The following AGMO variants were observed in gnomAD, a reference collection of about 807,000 sequenced individuals.
AGMO encodes glyceryl-ether monooxygenase.
In AGMO, 75 loss-of-function variants were observed where a neutral mutation model predicts 60.2. The observed-to-expected ratio is 1.25, with a 90% CI of 1.03 to 1.51. The LOEUF is 1.51. Among genes scored for constraint, AGMO ranks in the 40% most tolerant of loss-of-function variants. AGMO has a pLI of 0.00. For missense variants in AGMO, 763 were observed against 525.5 expected (o/e 1.45, Z -4.42); for synonymous variants, 261 against 177.1 (o/e 1.47, Z -3.76).
At chr7:15,544,104 G>A (rs1393964284) in intron 3 of AGMO, among the ~76,000 whole-genome samples, 1 of 151,922 alleles carries the variant, frequency 6.6e-6, no homozygotes, top group Non-Finnish European at 1.5e-5. Context: ...ATTATTCTAA[G>A]TGAATTAACT....
At chr7:15,358,408 A>G (rs1481459192) in intron 12 of AGMO, 2 of 471,134 alleles carry the variant, frequency 4.2e-6, no homozygotes, top group Non-Finnish European at 8.8e-6. Context: ...AAGGCATAAT[A>G]ATTAGATTGC....
At chr7:15,366,005 G>A (rs998778580) in intron 11 of AGMO, 135 bp downstream of exon 11, 6 of 613,514 alleles carry the variant, frequency 9.8e-6, no homozygotes, top group Non-Finnish European at 1.4e-5. Context: ...CTAAAATAAT[G>A]AGAAGTCAAA....
intron 10 of AGMO, among the ~76,000 whole-genome samples, chr7:15,366,778 A>C (rs1470996948): frequency 6.6e-6 from 1 of 152,076 alleles, no homozygotes; most frequent in African/African-American, 2.4e-5. Context: ...ATTAAGCATT[A>C]GTGTGCTCTT....
intron 12 of AGMO, among the ~76,000 whole-genome samples, chr7:15,201,922 C>G (rs1254989613): frequency 6.6e-6 from 1 of 152,116 alleles, no homozygotes; most frequent in Admixed American, 6.5e-5. Flanking sequence ...TTAACTGAAT[C>G]ATATTAAGCA....
chr7:15,502,560 T>C (rs1783414245), intron 3 of AGMO, among the ~76,000 whole-genome samples: 1 of 151,764 alleles, frequency 6.6e-6, no homozygotes, highest in Non-Finnish European at 1.5e-5. Context: ...CTCATAAAGC[T>C]CCCTCTCACC....
At chr7:15,405,851 C>G (rs1440941877) in intron 5 of AGMO, among the ~76,000 whole-genome samples, 1 of 149,476 alleles carries the variant, frequency 6.7e-6, no homozygotes, top group African/African-American at 2.4e-5. Flanking sequence ...GGACAAATGC[C>G]TAATGAAGCT....
At chr7:15,306,566 CTG>C (rs767811766) in intron 12 of AGMO, 58 of 346,846 alleles carry the variant, frequency 1.7e-4, no homozygotes, top group Admixed American at 5.9e-4. Flanking sequence ...CAGAATATGA[CTG>C]TGTAAAAAAA....
At chr7:15,354,357 CGTGTGTATAT>C (rs1782386268) in intron 12 of AGMO, among the ~76,000 whole-genome samples, 3 of 74,682 alleles carry the variant, frequency 4.0e-5, no homozygotes, top group African/African-American at 2.1e-4. Context: ...TGTATATAGA[CGTGTGTATAT>C]AGACGTGTGT....
At chr7:15,383,998 C>T (rs960118406) in intron 10 of AGMO, among the ~76,000 whole-genome samples, 2 of 151,964 alleles carry the variant, frequency 1.3e-5, no homozygotes, top group African/African-American at 2.4e-5. Flanking sequence ...TGCAGTGGCG[C>T]GATCTCGGCT....
intron 4 of AGMO, among the ~76,000 whole-genome samples, chr7:15,430,520 A>C (rs1166996284): frequency 6.6e-6 from 1 of 151,514 alleles, no homozygotes; most frequent in Admixed American, 6.6e-5. Flanking sequence ...TAGAGCCAAA[A>C]ATTTTTGGAT....
At chr7:15,281,611 T>G (rs1783967941) in intron 12 of AGMO, among the ~76,000 whole-genome samples, 1 of 152,094 alleles carries the variant, frequency 6.6e-6, no homozygotes, top group South Asian at 2.1e-4. Flanking sequence ...GCCTACTCTT[T>G]CCCTGACAAG....
rs76992193 is a variant in AGMO at position 15,342,981 on chromosome 7, G to T, written c.1263+22533C>A. ...AGAATGGAGCAGACTCTTGATAGTA[G>T]GTACTAGTGTCATTCCCTTTTATGA... On this transcript the variant is annotated intron_variant, in intron 12 of 12. Coordinates refer to ENST00000342526, the MANE Select transcript of AGMO (RefSeq NM_001004320.2). Among the ~76,000 whole-genome samples, 4 of 151,850 alleles carry T rather than the reference G, an allele frequency of 2.6e-5. No homozygotes were observed. The East Asian group carries it at 7.7e-4, about 29-fold the overall frequency.
intron 12 of AGMO, among the ~76,000 whole-genome samples, chr7:15,342,172 T>TAAAAAAAATAAAA (rs1781874827): frequency 1.8e-5 from 1 of 54,310 alleles, no homozygotes; most frequent in Non-Finnish European, 3.2e-5. Context: ...CCCACAGAGT[T>TAAAAAAAATAAAA]AAAAAAAAAA....
At chr7:15,501,330 T>A (rs372010752) in intron 3 of AGMO, among the ~76,000 whole-genome samples, 5 of 151,972 alleles carry the variant, frequency 3.3e-5, no homozygotes, top group African/African-American at 1.2e-4. Context: ...ACATTTGGGG[T>A]TGCCTTCATA....
intron 5 of AGMO, among the ~76,000 whole-genome samples, chr7:15,403,686 CTT>C (rs1163365565): frequency 6.6e-6 from 1 of 151,872 alleles, no homozygotes; most frequent in Non-Finnish European, 1.5e-5. Context: ...TCTTTAAACA[CTT>C]ATTGTTTTAC....
intron 2 of AGMO, among the ~76,000 whole-genome samples, chr7:15,555,748 T>C (rs976032282): frequency 2.0e-5 from 3 of 151,986 alleles, no homozygotes; most frequent in Admixed American, 1.3e-4. Context: ...TAATAAGCAG[T>C]GAACCTTGCA....
At chr7:15,464,641 A>G (rs925256764) in intron 3 of AGMO, among the ~76,000 whole-genome samples, 6 of 152,152 alleles carry the variant, frequency 3.9e-5, no homozygotes, top group African/African-American at 1.4e-4. Flanking sequence ...ATGGGCCTAG[A>G]AAAATCTGAG....
chr7:15,184,316 AAGGAGGGAAGG>A, the AGMO span, among the ~76,000 whole-genome samples: 1 of 121,830 alleles, frequency 8.2e-6, no homozygotes, highest in Non-Finnish European at 1.7e-5. Context: ...GGAGGGAGGG[AAGGAGGGAAGG>A]AGGAAGGAAG....
chr7:15,209,929 A>G (rs1583293912), intron 12 of AGMO, among the ~76,000 whole-genome samples: 1 of 152,146 alleles, frequency 6.6e-6, no homozygotes, highest in Admixed American at 6.6e-5. Flanking sequence ...CATAAACACT[A>G]CAAACATTCA....
Sources: gnomAD v4.1 joint callset for allele counts (sites outside exome capture counted in the v4.1 genomes callset) on GRCh38, gnomAD v4.1.1 for gene constraint, MANE v1.5 for transcripts, NCBI Gene and HGNC (gene_info 2026-07-23, HGNC 2026-07-21) for gene names.